Variants in NTM observed in about 807,000 individuals in gnomAD.
The protein encoded by NTM is neurotrimin.
NTM carries 13 observed loss-of-function variants against 42.1 expected under a neutral mutation model. The ratio of observed to expected loss-of-function variants is 0.31; its 90% confidence interval spans 0.20 to 0.49. The LOEUF is 0.49. NTM is among the 20% of genes least tolerant of loss of function. The pLI is 0.99. For missense variants in NTM, 373 were observed against 452.8 expected, an observed-to-expected ratio of 0.82 and a Z score of 1.60; for synonymous variants, 187 against 179.2, an observed-to-expected ratio of 1.04 and a Z score of -0.35.
intron 1 of NTM, among the ~76,000 whole-genome samples, chr11:131,465,154 C>T (rs1565529694): frequency 6.6e-6 from 1 of 152,186 alleles, no homozygotes; most frequent in Non-Finnish European, 1.5e-5. Flanking sequence ...GCATGACCCT[C>T]CCATTTGGGC....
intron 4 of NTM, among the ~76,000 whole-genome samples, chr11:132,265,724 C>T (rs1212331841): frequency 6.6e-6 from 1 of 152,174 alleles, no homozygotes; most frequent in East Asian, 1.9e-4. Flanking sequence ...GGCATGCAGT[C>T]GTTGTGCATC....
intron 2 of NTM, among the ~76,000 whole-genome samples, chr11:131,913,525 A>C (rs2055676399): frequency 6.6e-6 from 1 of 152,134 alleles, no homozygotes; most frequent in South Asian, 2.1e-4. Flanking sequence ...GACAGGCCTG[A>C]TTTAGGAGGA....
chr11:131,431,890 A>G (rs1361663780), intron 1 of NTM, among the ~76,000 whole-genome samples: 1 of 151,996 alleles, frequency 6.6e-6, no homozygotes, highest in Non-Finnish European at 1.5e-5. Flanking sequence ...ACCCCTCCCC[A>G]TCAGACACTC....
At chr11:132,119,438 A>G (rs1418118722) in intron 2 of NTM, among the ~76,000 whole-genome samples, 1 of 152,082 alleles carries the variant, frequency 6.6e-6, no homozygotes, top group Non-Finnish European at 1.5e-5. Context: ...GGAACAGCCA[A>G]TTCCATTACC....
intron 1 of NTM, among the ~76,000 whole-genome samples, chr11:131,424,600 C>CTTT (rs769740331): frequency 0.011 from 614 of 56,026 alleles, 82 homozygotes; most frequent in African/African-American, 0.028. Context: ...CTTTTCTTTT[C>CTTT]TTTTTTTTTT....
At chr11:131,801,409 T>A (rs149684945) in intron 1 of NTM, among the ~76,000 whole-genome samples, 1 of 152,212 alleles carries the variant, frequency 6.6e-6, no homozygotes, top group East Asian at 1.9e-4. Flanking sequence ...ACTCATTCAC[T>A]CCCATTGTTA....
At chr11:132,058,062 C>T (rs569568086) in intron 2 of NTM, among the ~76,000 whole-genome samples, 1 of 152,310 alleles carries the variant, frequency 6.6e-6, no homozygotes, top group South Asian at 2.1e-4. Context: ...TCTCCTTTCC[C>T]TGTTAGCTCT....
chr11:131,725,531 C>T (rs1263766529), intron 1 of NTM, among the ~76,000 whole-genome samples: 1 of 152,076 alleles, frequency 6.6e-6, no homozygotes, highest in Non-Finnish European at 1.5e-5. Context: ...ATAGAGGAAG[C>T]ATCCCAGGCA....
chr11:131,743,848 G>A (rs1027058662), intron 1 of NTM, among the ~76,000 whole-genome samples: 1 of 152,158 alleles, frequency 6.6e-6, no homozygotes, highest in Non-Finnish European at 1.5e-5. Context: ...ATTGTATCCA[G>A]TACAATTCCC....
At chr11:131,913,492 A>G (rs977229678) in intron 2 of NTM, among the ~76,000 whole-genome samples, 2 of 152,232 alleles carry the variant, frequency 1.3e-5, no homozygotes, top group Non-Finnish European at 2.9e-5. Context: ...GGGTGGCTGC[A>G]TTCAGCAGAG....
intron 1 of NTM, among the ~76,000 whole-genome samples, chr11:131,514,066 T>C (rs552117111): frequency 1.3e-5 from 2 of 152,262 alleles, no homozygotes; most frequent in East Asian, 1.9e-4. Context: ...ATAATAATGG[T>C]AAGTCAGCTG....
At chr11:132,280,730 C>A (rs982410995) in intron 4 of NTM, among the ~76,000 whole-genome samples, 3 of 152,054 alleles carry the variant, frequency 2.0e-5, no homozygotes, top group Non-Finnish European at 4.4e-5. Context: ...AGGTGATCTG[C>A]CCACCTCGGC....
At chr11:132,068,162 G>A (rs1446300710) in intron 2 of NTM, among the ~76,000 whole-genome samples, 3 of 152,312 alleles carry the variant, frequency 2.0e-5, no homozygotes, top group East Asian at 1.9e-4. Flanking sequence ...AGGACATTTT[G>A]TTAACAGTGG....
chr11:131,524,072 GA>G (rs2050131820), intron 1 of NTM, among the ~76,000 whole-genome samples: 1 of 152,188 alleles, frequency 6.6e-6, no homozygotes, highest in South Asian at 2.1e-4. Context: ...CTGATTTGTG[GA>G]TGGGGAATTT....
At chr11:131,400,470 A>G (rs1317623931) in intron 1 of NTM, among the ~76,000 whole-genome samples, 1 of 152,146 alleles carries the variant, frequency 6.6e-6, no homozygotes. Context: ...AACTAGAGGG[A>G]CCTTGGCTTG....
At chr11:131,923,497 C>A (rs181258922) in intron 2 of NTM, among the ~76,000 whole-genome samples, 1 of 152,026 alleles carries the variant, frequency 6.6e-6, no homozygotes, top group Non-Finnish European at 1.5e-5. Context: ...TGTTTGTTTT[C>A]TAGGTCAGAG....
rs73031980 is a variant in NTM, at chr11:131,700,099, G to T, written c.83-211465G>T. On this transcript the variant is annotated intron_variant, in intron 1 of 8. Transcript: ENST00000683400. ...ATAGTGATGTTGGGCACAAACTCAT[G>T]TTATGTTCAGGTAACAAGCAGAGCA... Among the ~76,000 whole-genome samples, 405 of 152,238 alleles carry T rather than the reference G, an allele frequency of 2.7e-3. 2 individuals carry two copies. The highest frequency in any genetic ancestry group is 3.2e-3 in the Non-Finnish European group (218 of 68,014).
chr11:131,600,802 C>T (rs1324521987), intron 1 of NTM, among the ~76,000 whole-genome samples: 1 of 152,172 alleles, frequency 6.6e-6, no homozygotes, highest in Non-Finnish European at 1.5e-5. Flanking sequence ...CCCATAATCC[C>T]TGCCAAGCCT....
intron 1 of NTM, chr11:131,878,112 A>T (rs1443684274): frequency 1.3e-5 from 2 of 152,136 alleles, no homozygotes; most frequent in Non-Finnish European, 2.9e-5. Context: ...ATTCTGTAAT[A>T]AAGAGACATC....
Sources: allele counts gnomAD v4.1 joint callset (sites outside exome capture counted in the v4.1 genomes callset), GRCh38; gene constraint gnomAD v4.1.1; transcripts MANE v1.5; gene names NCBI Gene and HGNC (gene_info 2026-07-23, HGNC 2026-07-21).